The following C19orf47 variants were observed in gnomAD, a reference collection of about 807,000 sequenced individuals.
The protein encoded by C19orf47 is uncharacterized protein C19orf47.
Under a neutral mutation model 32.3 loss-of-function variants are expected in C19orf47, and 18 were observed. That is an observed-to-expected ratio of 0.56 (90% CI 0.39 to 0.83). The LOEUF is 0.83. Among genes scored for constraint, C19orf47 ranks in the 40% least tolerant of loss-of-function variants. The pLI is 0.00. For missense variants in C19orf47, 484 were observed against 531.6 expected, an observed-to-expected ratio of 0.91 and a Z score of 0.88; for synonymous variants, 202 against 211.1, an observed-to-expected ratio of 0.96 and a Z score of 0.37.
intron 4 of C19orf47, among the ~76,000 whole-genome samples, chr19:40,335,856 A>G (rs1356047611): frequency 6.6e-6 from 1 of 152,064 alleles, no homozygotes; most frequent in East Asian, 1.9e-4. Flanking sequence ...TGATCCGACC[A>G]CCTCGGCCTC....
the C19orf47 span, among the ~76,000 whole-genome samples, chr19:40,303,226 C>T: frequency 6.8e-6 from 1 of 147,396 alleles, no homozygotes; most frequent in Non-Finnish European, 1.5e-5. Flanking sequence ...AAAACTCCAT[C>T]TAAAAAAAAA....
chr19:40,323,299 T>C (rs1265174111), intron 8 of C19orf47, among the ~76,000 whole-genome samples: 1 of 152,226 alleles, frequency 6.6e-6, no homozygotes, highest in Non-Finnish European at 1.5e-5. Context: ...GCGGGGATGA[T>C]CTTAACTCTA....
chr19:40,326,198 C>A, intron 7 of C19orf47, 136 bp downstream of exon 7: 2 of 1,217,840 alleles, frequency 1.6e-6, no homozygotes, highest in Non-Finnish European at 2.3e-6. Context: ...CCATCACTGT[C>A]CCCTTGGCCT....
intron 2 of C19orf47, among the ~76,000 whole-genome samples, chr19:40,339,569 G>C (rs187024682): frequency 9.4e-4 from 143 of 152,258 alleles, no homozygotes; most frequent in Non-Finnish European, 1.6e-3. Flanking sequence ...ACATTATGTT[G>C]AGCAAAAGAA....
At chr19:40,333,594 T>A (rs373980256) in intron 5 of C19orf47, among the ~76,000 whole-genome samples, 4 of 152,340 alleles carry the variant, frequency 2.6e-5, no homozygotes, top group East Asian at 1.9e-4. Flanking sequence ...TTGCTCTGTA[T>A]TTCTTCTAGG....
At chr19:40,332,879 C>A (rs1028508121) in intron 5 of C19orf47, among the ~76,000 whole-genome samples, 21 of 152,182 alleles carry the variant, frequency 1.4e-4, no homozygotes, top group African/African-American at 4.8e-4. Context: ...AGGTCCCGCT[C>A]TGTAAACAAG....
chr19:40,313,017 C>T, the C19orf47 span, among the ~76,000 whole-genome samples: 3 of 152,182 alleles, frequency 2.0e-5, no homozygotes, highest in Non-Finnish European at 4.4e-5. Flanking sequence ...TTTGCATGTA[C>T]GTGGAAGTTT....
chr19:40,333,449 C>T (rs978100753), intron 5 of C19orf47, among the ~76,000 whole-genome samples: 3 of 151,992 alleles, frequency 2.0e-5, no homozygotes, highest in African/African-American at 4.8e-5. Flanking sequence ...TATGAGTTCC[C>T]GGTTAATGAA....
chr19:40,326,166 G>A (rs574961029), intron 7 of C19orf47, among the ~76,000 whole-genome samples, 168 bp downstream of exon 7: 3 of 152,348 alleles, frequency 2.0e-5, no homozygotes, highest in African/African-American at 4.8e-5. Context: ...CAGAGGTGAT[G>A]TATTTCCCTC....
At chr19:40,324,187 GC>G in intron 7 of C19orf47, 111 bp from the exon 8 acceptor site, 1 of 1,019,126 alleles carries the variant, frequency 9.8e-7, no homozygotes, top group Non-Finnish European at 1.5e-6. Context: ...GACAGGCAGG[GC>G]CAGACTGTGC....
chr19:40,321,844 C>A lies in C19orf47; in HGVS notation c.*38G>T. 6.7e-7 allele frequency: 1 copy of A among 1,498,922 alleles called. No homozygotes were observed. Among genetic ancestry groups the A allele is most frequent in the Non-Finnish European group, 8.9e-7 (1 of 1,126,684 alleles). The allele number at this position is 1,498,922 out of a possible 1,614,324, so 92.9% of individuals were successfully genotyped here. Reference sequence around the variant, plus strand: ...AGCCTGGGGCGGCCAGGGCAGATGCCCGCAGGCTCTGCTGCCTGCACCCCG... The same window carrying A: ...AGCCTGGGGCGGCCAGGGCAGATGCACGCAGGCTCTGCTGCCTGCACCCCG... On this transcript the variant is annotated 3_prime_UTR_variant, in exon 9 of 9. Coordinates refer to ENST00000683109, the MANE Select transcript of C19orf47 (RefSeq NM_001256441.2).
At chr19:40,323,882 G>A in intron 8 of C19orf47, 124 bp downstream of exon 8, 1 of 1,179,460 alleles carries the variant, frequency 8.5e-7, no homozygotes, top group Non-Finnish European at 1.3e-6. Flanking sequence ...CAGGAACTGA[G>A]GCTGGAAAGG....
chr19:40,335,482 A>G (rs1302503776), intron 4 of C19orf47, among the ~76,000 whole-genome samples: 2 of 152,212 alleles, frequency 1.3e-5, no homozygotes, highest in Non-Finnish European at 2.9e-5. Flanking sequence ...GCAGCAGCTC[A>G]TGCCTGAAAT....
intron 1 of C19orf47, among the ~76,000 whole-genome samples, chr19:40,342,650 G>C (rs181496767): frequency 2.6e-5 from 4 of 152,302 alleles, no homozygotes; most frequent in Admixed American, 2.6e-4. Flanking sequence ...TGGAGGACCT[G>C]GGAAGGGAGG....
At chr19:40,346,398 G>A (rs1349473092) in intron 1 of C19orf47, among the ~76,000 whole-genome samples, 6 of 144,974 alleles carry the variant, frequency 4.1e-5, no homozygotes, top group Admixed American at 7.0e-5. Context: ...ATCCAAGATC[G>A]CACCACTGCA....
At chr19:40,306,306 T>C in the C19orf47 span, among the ~76,000 whole-genome samples, 3 of 152,058 alleles carry the variant, frequency 2.0e-5, no homozygotes, top group Non-Finnish European at 4.4e-5. Flanking sequence ...TGTATCCTTA[T>C]GGAGGGGAGA....
Position 40,321,810 on chromosome 19 carries a change from G to A in C19orf47, c.*72C>T. On this transcript the variant is annotated 3_prime_UTR_variant, in exon 9 of 9. Transcript: ENST00000683109. ...TCCAGGAGCTGGTGGGAGGCGTGATGAAGCCAGGAGCCTGGGGCGGCCAGG... is the reference window on the plus strand; with the variant it reads ...TCCAGGAGCTGGTGGGAGGCGTGATAAAGCCAGGAGCCTGGGGCGGCCAGG... The A allele has an allele frequency of 1.4e-6, 2 of 1,452,644 alleles. No homozygotes were observed. The highest frequency in any genetic ancestry group is 2.5e-5 in the East Asian group (1 of 40,306). The allele number at this position is 1,452,644 out of a possible 1,614,324, so 90.0% of individuals were successfully genotyped here.
At chr19:40,336,284 TC>T (rs927732571) in intron 3 of C19orf47, 35 bp downstream of exon 3, 1 of 1,613,100 alleles carries the variant, frequency 6.2e-7, no homozygotes, top group African/African-American at 1.3e-5. Flanking sequence ...GCCAGCCAGC[TC>T]CCCACCACCC....
At chr19:40,310,559 T>C in the C19orf47 span, among the ~76,000 whole-genome samples, 14 of 152,152 alleles carry the variant, frequency 9.2e-5, no homozygotes, top group Admixed American at 2.6e-4. Flanking sequence ...GGATTAAACA[T>C]GTGAGCCACC....
Sources: gnomAD v4.1 joint callset for allele counts (sites outside exome capture counted in the v4.1 genomes callset) on GRCh38, gnomAD v4.1.1 for gene constraint, MANE v1.5 for transcripts, NCBI Gene and HGNC (gene_info 2026-07-23, HGNC 2026-07-21) for gene names.